Variants in KALRN observed in about 807,000 individuals in gnomAD.
KALRN encodes the protein kalirin RhoGEF kinase, also known as kalirin.
KALRN carries 70 observed loss-of-function variants against 353.7 expected under a neutral mutation model. That is an observed-to-expected ratio of 0.20 (90% CI 0.16 to 0.24). KALRN has a LOEUF of 0.24. KALRN is among the 10% of genes least tolerant of loss of function. The probability of loss-of-function intolerance (pLI) is 1.00; values close to 1 mark genes in which losing one functional copy is unlikely to be tolerated. For missense variants in KALRN, 2,791 were observed against 3,756.7 expected (o/e 0.74, Z 6.72); for synonymous variants, 1,391 against 1,434.8 (o/e 0.97, Z 0.69).
At chr3:124,398,074 A>G (rs1343502925) in intron 12 of KALRN, among the ~76,000 whole-genome samples, 1 of 152,228 alleles carries the variant, frequency 6.6e-6, no homozygotes, top group African/African-American at 2.4e-5. Context: ...TAAATGTATC[A>G]GAGCAGAGAC....
At chr3:124,589,218 T>G (rs1206547261) in intron 34 of KALRN, among the ~76,000 whole-genome samples, 1 of 152,172 alleles carries the variant, frequency 6.6e-6, no homozygotes, top group Non-Finnish European at 1.5e-5. Flanking sequence ...TATAGCCCAT[T>G]TGATAAATGG....
At chr3:124,658,736 G>A (rs1266047225) in intron 42 of KALRN, among the ~76,000 whole-genome samples, 1 of 152,172 alleles carries the variant, frequency 6.6e-6, no homozygotes, top group African/African-American at 2.4e-5. Flanking sequence ...CCCAGTCTGG[G>A]TTCTGATTTG....
chr3:124,302,136 C>A (rs1289807078), intron 6 of KALRN, among the ~76,000 whole-genome samples: 2 of 152,202 alleles, frequency 1.3e-5, no homozygotes, highest in Non-Finnish European at 2.9e-5. Context: ...AACCTTATCT[C>A]TTCTTTATTC....
intron 1 of KALRN, among the ~76,000 whole-genome samples, chr3:124,155,118 T>A (rs1369184047): frequency 6.6e-6 from 1 of 152,106 alleles, no homozygotes; most frequent in Non-Finnish European, 1.5e-5. Context: ...TCAAGATGGA[T>A]TAAAGACTTA....
intron 1 of KALRN, among the ~76,000 whole-genome samples, chr3:124,185,690 A>C (rs2074135489): frequency 6.6e-6 from 1 of 152,132 alleles, no homozygotes. Flanking sequence ...TGGTGCATAG[A>C]TGGCACCAGT....
chr3:124,275,468 G>A (rs974119642), intron 5 of KALRN, among the ~76,000 whole-genome samples: 1 of 152,142 alleles, frequency 6.6e-6, no homozygotes, highest in Non-Finnish European at 1.5e-5. Flanking sequence ...AAACCTCTCA[G>A]CAAATAAAAC....
At chr3:124,592,767 A>G (rs2075928600) in intron 34 of KALRN, among the ~76,000 whole-genome samples, 1 of 152,238 alleles carries the variant, frequency 6.6e-6, no homozygotes. Flanking sequence ...CTAATAGAGC[A>G]TATCTTTTGC....
intron 1 of KALRN, among the ~76,000 whole-genome samples, chr3:124,220,324 C>T (rs2077751063): frequency 6.6e-6 from 1 of 152,046 alleles, no homozygotes; most frequent in South Asian, 2.1e-4. Context: ...CTTAATAGCT[C>T]CTTAGTGTCT....
At chr3:124,352,635 T>C (rs1353748695) in intron 10 of KALRN, among the ~76,000 whole-genome samples, 1 of 151,976 alleles carries the variant, frequency 6.6e-6, no homozygotes, top group African/African-American at 2.4e-5. Context: ...CAGTAATCTC[T>C]GGTTACTTGT....
At chr3:124,638,253 T>C (rs1413143389) in intron 37 of KALRN, among the ~76,000 whole-genome samples, 4 of 152,108 alleles carry the variant, frequency 2.6e-5, no homozygotes, top group African/African-American at 9.7e-5. Context: ...AACTCCCTTT[T>C]CAGATATCCC....
intron 7 of KALRN, among the ~76,000 whole-genome samples, chr3:124,326,594 T>C (rs1686619705): frequency 6.6e-6 from 1 of 152,206 alleles, no homozygotes; most frequent in Non-Finnish European, 1.5e-5. Flanking sequence ...ATAATGGGAA[T>C]ATAACAATAA....
chr3:124,391,991 C>T (rs1011686463), intron 11 of KALRN, among the ~76,000 whole-genome samples: 1 of 152,208 alleles, frequency 6.6e-6, no homozygotes, highest in Non-Finnish European at 1.5e-5. Context: ...CTACTTCAAA[C>T]TTTCCCTTTG....
At chr3:124,113,337 A>G (rs1405101144) in intron 1 of KALRN, among the ~76,000 whole-genome samples, 3 of 152,322 alleles carry the variant, frequency 2.0e-5, no homozygotes, top group Admixed American at 6.5e-5. Flanking sequence ...CTTAACCTGT[A>G]TTGCCTAAAA....
chr3:124,127,935 T>C (rs1275550979), intron 1 of KALRN, among the ~76,000 whole-genome samples: 1 of 152,200 alleles, frequency 6.6e-6, no homozygotes, highest in East Asian at 1.9e-4. Flanking sequence ...TTTCTTTCTC[T>C]TATGCTTCAT....
Position 124,693,795 on chromosome 3 carries a change from GT to G in KALRN, c.7378-4del. 1 of 1,549,278 alleles carries G rather than the reference GT, an allele frequency of 6.5e-7. No homozygotes were observed. The highest frequency in any genetic ancestry group is 8.9e-7 in the Non-Finnish European group (1 of 1,128,644). On this transcript the variant is annotated splice_region_variant and splice_polypyrimidine_tract_variant and intron_variant, in intron 51 of 59. Coordinates refer to ENST00000682506, the MANE Select transcript of KALRN (RefSeq NM_001388419.1). ...TTCAAGCAATTTTCTGTGTCTTTTT[GT>G]TTTTCAGATCTTAAATCCAAATTTC...
intron 6 of KALRN, among the ~76,000 whole-genome samples, chr3:124,325,216 G>A (rs2079761894): frequency 6.6e-6 from 1 of 152,166 alleles, no homozygotes; most frequent in Admixed American, 6.5e-5. Flanking sequence ...AAGATGACAG[G>A]AGACAATGGA....
At chr3:124,609,623 G>A (rs2077710340) in intron 34 of KALRN, among the ~76,000 whole-genome samples, 6 of 152,226 alleles carry the variant, frequency 3.9e-5, no homozygotes, top group Admixed American at 3.9e-4. Flanking sequence ...AGGAAAATGA[G>A]AGTGAATCCA....
Position 124,657,470 on chromosome 3 carries a change from A to G in KALRN, c.5885A>G (p.Glu1962Gly). 1 of 1,613,482 alleles carries G rather than the reference A, an allele frequency of 6.2e-7. No individual in the cohort carries two copies. Among genetic ancestry groups the G allele is most frequent in the Non-Finnish European group, 8.5e-7 (1 of 1,179,414 alleles). ...VVEGFMKRIE[E>G]KGVPEDMRGK... Reference sequence around the variant, plus strand: ...CAGGGCTTCATGAAGAGAATAGAAGAAAAGGGTGTCCCTGAGGATATGCGA... The same window carrying G: ...CAGGGCTTCATGAAGAGAATAGAAGGAAAGGGTGTCCCTGAGGATATGCGA... Residue 1962 changes from glutamate to glycine, a missense_variant, in exon 40 of 60, where the codon GAA (glutamate) becomes GGA (glycine). Glu to Gly is a moderately conservative substitution (Grantham distance 98, BLOSUM62 -2). Transcript: ENST00000682506.
intron 37 of KALRN, among the ~76,000 whole-genome samples, chr3:124,646,877 A>G (rs1051351050): frequency 6.6e-6 from 1 of 152,074 alleles, no homozygotes; most frequent in African/African-American, 2.4e-5. Context: ...TTAATCACAG[A>G]GTACTTAAAA....
Sources: gnomAD v4.1 joint callset for allele counts (sites outside exome capture counted in the v4.1 genomes callset) on GRCh38, gnomAD v4.1.1 for gene constraint, MANE v1.5 for transcripts, NCBI Gene and HGNC (gene_info 2026-07-23, HGNC 2026-07-21) for gene names.